LYPD6: variants seen among roughly 807,000 people sequenced by gnomAD.
LYPD6 encodes ly6/PLAUR domain-containing protein 6.
Under a neutral mutation model 22.7 loss-of-function variants are expected in LYPD6, and 15 were observed. The ratio of observed to expected loss-of-function variants is 0.66; its 90% CI spans 0.44 to 1.02. The LOEUF (loss-of-function observed/expected upper bound fraction) is 1.02. Among genes scored for constraint, LYPD6 ranks in the 50% least tolerant of loss-of-function variants. LYPD6 has a pLI of 0.00. For missense variants in LYPD6, 189 were observed against 208.4 expected (o/e 0.91, Z 0.57); for synonymous variants, 72 against 77.5 (o/e 0.93, Z 0.37).
At chr2:149,440,446 A>C (rs1683537215) in intron 2 of LYPD6, 1 of 153,104 alleles carries the variant, frequency 6.5e-6, no homozygotes. Flanking sequence ...AGCATAAAAC[A>C]AATGCAAATA....
At chr2:149,474,465 C>A (rs557648533), downstream of LYPD6, among the ~76,000 whole-genome samples, 1 of 152,298 alleles carries the variant, frequency 6.6e-6, no homozygotes, top group South Asian at 2.1e-4. Context: ...ACCTCAGCCT[C>A]CCAAAGTTCT....
chr2:149,380,203 C>T (rs547359255), intron 1 of LYPD6, among the ~76,000 whole-genome samples: 4 of 152,180 alleles, frequency 2.6e-5, no homozygotes, highest in East Asian at 3.9e-4. Context: ...AAATGGGGAG[C>T]GGGGGCAGCT....
chr2:149,337,358 T>C (rs1681053955), intron 1 of LYPD6, among the ~76,000 whole-genome samples: 1 of 152,222 alleles, frequency 6.6e-6, no homozygotes, highest in South Asian at 2.1e-4. Flanking sequence ...CTGTAAGTTA[T>C]CCTGGCAGTC....
chr2:149,393,606 C>T (rs1682362674), intron 1 of LYPD6, among the ~76,000 whole-genome samples: 1 of 152,154 alleles, frequency 6.6e-6, no homozygotes, highest in Non-Finnish European at 1.5e-5. Flanking sequence ...CGTGGTCCTC[C>T]TGGCCCCTTG....
the LYPD6 span, among the ~76,000 whole-genome samples, chr2:149,483,360 C>T: frequency 6.6e-6 from 1 of 152,220 alleles, no homozygotes; most frequent in African/African-American, 2.4e-5. Flanking sequence ...GCTTCTCACT[C>T]TCTAATCTAT....
At chr2:149,376,948 G>A (rs1231458584) in intron 1 of LYPD6, among the ~76,000 whole-genome samples, 1 of 152,192 alleles carries the variant, frequency 6.6e-6, no homozygotes, top group Non-Finnish European at 1.5e-5. Flanking sequence ...ACTGTCTACA[G>A]TGCAGTCACC....
At chr2:149,405,481 G>T (rs1017090157) in intron 1 of LYPD6, among the ~76,000 whole-genome samples, 12 of 152,182 alleles carry the variant, frequency 7.9e-5, no homozygotes, top group African/African-American at 2.9e-4. Flanking sequence ...ATGTGTCAAG[G>T]AATTTATCCA....
At chr2:149,446,142 A>T (rs1006596918) in intron 2 of LYPD6, among the ~76,000 whole-genome samples, 1 of 152,192 alleles carries the variant, frequency 6.6e-6, no homozygotes, top group South Asian at 2.1e-4. Context: ...CAGTCAAAAC[A>T]TACACATTTA....
At chr2:149,421,567 T>C (rs1683082293) in intron 1 of LYPD6, among the ~76,000 whole-genome samples, 1 of 152,090 alleles carries the variant, frequency 6.6e-6, no homozygotes, top group Non-Finnish European at 1.5e-5. Flanking sequence ...GCTGTTTTTG[T>C]AGGTCGAAAA....
At chr2:149,468,260 C>T (rs1681251428) in intron 3 of LYPD6, among the ~76,000 whole-genome samples, 1 of 151,328 alleles carries the variant, frequency 6.6e-6, no homozygotes, top group Admixed American at 6.6e-5. Flanking sequence ...ACCCTGAGTT[C>T]TTTGAACCTC....
rs187252256 is a variant in LYPD6, at chr2:149,408,777, C to G, written c.-71-28861C>G. On this transcript the variant is annotated intron_variant, in intron 1 of 4. Transcript: ENST00000334166. ...AAGGTGTGATTGTTTTTTATTTATGCTCTTCAATTTCACTGAAGAATTTTC... is the reference window on the plus strand; with the variant it reads ...AAGGTGTGATTGTTTTTTATTTATGGTCTTCAATTTCACTGAAGAATTTTC... Among the ~76,000 whole-genome samples the G allele has an allele frequency of 2.6e-5, 4 of 152,276 alleles. No homozygotes were observed. In the East Asian group the frequency reaches 7.7e-4, roughly 29 times the overall value.
At chr2:149,434,005 A>G (rs1471762564) in intron 1 of LYPD6, among the ~76,000 whole-genome samples, 2 of 152,094 alleles carry the variant, frequency 1.3e-5, no homozygotes, top group African/African-American at 4.8e-5. Flanking sequence ...TCTGGGATAC[A>G]TGGGTAGAAC....
chr2:149,343,946 T>C (rs558762144), intron 1 of LYPD6, among the ~76,000 whole-genome samples: 2 of 152,316 alleles, frequency 1.3e-5, no homozygotes, highest in South Asian at 4.1e-4. Context: ...GCAGGACTTT[T>C]AGAACATTTA....
At chr2:149,418,359 G>A (rs6434801) in intron 1 of LYPD6, among the ~76,000 whole-genome samples, 40,745 of 151,956 alleles carry the variant, frequency 0.27, 6,606 homozygotes, top group African/African-American at 0.46. Context: ...AAAATAATGG[G>A]GCATAGACCA....
chr2:149,430,779 A>G (rs1341922010), intron 1 of LYPD6, among the ~76,000 whole-genome samples: 1 of 152,212 alleles, frequency 6.6e-6, no homozygotes, highest in East Asian at 1.9e-4. Flanking sequence ...CAAAGTGCTT[A>G]ATTTTCATCT....
intron 3 of LYPD6, among the ~76,000 whole-genome samples, chr2:149,450,095 G>A (rs1337821510): frequency 6.6e-6 from 1 of 152,174 alleles, no homozygotes; most frequent in Non-Finnish European, 1.5e-5. Flanking sequence ...TAACCCAGGA[G>A]CCTCCACTCC....
intron 1 of LYPD6, among the ~76,000 whole-genome samples, chr2:149,355,428 A>G (rs1300536484): frequency 1.3e-5 from 2 of 152,204 alleles, no homozygotes; most frequent in African/African-American, 2.4e-5. Context: ...TCTTGCATAC[A>G]CTTTTCGAAA....
intron 1 of LYPD6, among the ~76,000 whole-genome samples, chr2:149,435,386 AT>A (rs1683407928): frequency 6.6e-6 from 1 of 152,198 alleles, no homozygotes; most frequent in Admixed American, 6.5e-5. Flanking sequence ...TACACACATA[AT>A]GTTCATTCCA....
chr2:149,444,197 G>A (rs968012740), intron 2 of LYPD6, among the ~76,000 whole-genome samples: 1 of 152,146 alleles, frequency 6.6e-6, no homozygotes, highest in African/African-American at 2.4e-5. Flanking sequence ...GCCTCCCAAA[G>A]TGCTGAGATT....
Sources: allele counts gnomAD v4.1 joint callset (sites outside exome capture counted in the v4.1 genomes callset), GRCh38; gene constraint gnomAD v4.1.1; transcripts MANE v1.5; gene names NCBI Gene and HGNC (gene_info 2026-07-23, HGNC 2026-07-21).